Variants in PHKA1 observed in about 807,000 individuals in gnomAD.
PHKA1 encodes phosphorylase kinase regulatory subunit alpha 1.
PHKA1 carries 60 observed loss-of-function variants against 110.2 expected under a neutral mutation model. That is an observed-to-expected ratio of 0.54 (90% CI 0.44 to 0.68). The LOEUF (loss-of-function observed/expected upper bound fraction) is 0.68, where lower values mean the gene tolerates loss of function less well. Ranked by LOEUF, PHKA1 falls within the 30% of genes least tolerant of loss-of-function variation. The pLI, the probability that PHKA1 is intolerant of heterozygous loss-of-function variation, is 0.00. For missense variants in PHKA1, 801 were observed against 942.5 expected, an observed-to-expected ratio of 0.85 and a Z score of 1.97; for synonymous variants, 316 against 333.6, an observed-to-expected ratio of 0.95 and a Z score of 0.58.
chrX:72,674,198 G>T (rs1395891468), intron 6 of PHKA1, among the ~76,000 whole-genome samples: 11 of 110,742 alleles, frequency 9.9e-5, no homozygotes, highest in African/African-American at 3.6e-4. Flanking sequence ...TCTTAAGCCA[G>T]TCTATCATTG....
intron 4 of PHKA1, among the ~76,000 whole-genome samples, chrX:72,689,955 T>G (rs1443577853): frequency 8.9e-6 from 1 of 112,147 alleles, no homozygotes; most frequent in Non-Finnish European, 1.9e-5. Context: ...TATATTTCTT[T>G]CAAAATTAAT....
At chrX:72,666,771 CT>C (rs2053620232) in intron 7 of PHKA1, among the ~76,000 whole-genome samples, 2 of 111,982 alleles carry the variant, frequency 1.8e-5, no homozygotes, top group South Asian at 7.4e-4. Flanking sequence ...TTCTGACCCA[CT>C]TTTTTCCTCT....
intron 29 of PHKA1, among the ~76,000 whole-genome samples, chrX:72,590,029 C>T (rs1357442138): frequency 9.0e-6 from 1 of 111,395 alleles, no homozygotes; most frequent in Non-Finnish European, 1.9e-5. Context: ...AATGCCATCC[C>T]CATCAAGCTA....
chrX:72,668,017 T>C (rs2053635223), intron 6 of PHKA1, among the ~76,000 whole-genome samples: 2 of 111,896 alleles, frequency 1.8e-5, no homozygotes, highest in Admixed American at 9.5e-5. Flanking sequence ...ATTAATAATA[T>C]AGTGTAAGTA....
chrX:72,688,118 C>T (rs1367756862), intron 4 of PHKA1, among the ~76,000 whole-genome samples: 2 of 111,299 alleles, frequency 1.8e-5, no homozygotes, highest in Non-Finnish European at 3.8e-5. Flanking sequence ...TGAGCCACTG[C>T]GCCTGGCCAC....
At chrX:72,590,435 T>A (rs1236502948) in intron 29 of PHKA1, among the ~76,000 whole-genome samples, 3 of 112,190 alleles carry the variant, frequency 2.7e-5, no homozygotes, top group East Asian at 5.6e-4. Context: ...CAAGATGGAT[T>A]AAAGACTTAA....
intron 6 of PHKA1, among the ~76,000 whole-genome samples, chrX:72,675,022 A>G (rs1339824983): frequency 5.3e-5 from 5 of 94,361 alleles, no homozygotes; most frequent in Non-Finnish European, 1.1e-4. Flanking sequence ...TGTCTCTACT[A>G]AAAAAAAAAA....
chrX:72,629,637 A>C (rs1208564670), intron 16 of PHKA1, among the ~76,000 whole-genome samples: 1 of 111,940 alleles, frequency 8.9e-6, no homozygotes, highest in African/African-American at 3.2e-5. Context: ...ATTTAAAGTA[A>C]TTATTGATAT....
intron 21 of PHKA1, among the ~76,000 whole-genome samples, chrX:72,615,668 A>G (rs1288089806): frequency 1.9e-5 from 2 of 105,212 alleles, no homozygotes; most frequent in African/African-American, 7.0e-5. Context: ...AGCCATAAAG[A>G]CAGATAGTAA....
At chrX:72,676,903 G>GT (rs2053785730) in intron 5 of PHKA1, among the ~76,000 whole-genome samples, 1 of 112,642 alleles carries the variant, frequency 8.9e-6, no homozygotes, top group Middle Eastern at 4.2e-3. Context: ...TAACCACAGT[G>GT]TAATAGTTAA....
In PHKA1 at chrX:72,596,942, G is replaced by A. The variant is rs140966651; in HGVS notation, c.3073-3668C>T. Among the ~76,000 whole-genome samples, 458 of 112,284 alleles carry A rather than the reference G, an allele frequency of 4.1e-3. 3 individuals are homozygous for A. The highest frequency in any genetic ancestry group is 6.5e-3 in the Non-Finnish European group (345 of 53,266). On this transcript the variant is annotated intron_variant, in intron 28 of 31. Transcript: ENST00000373542. ...ATAGATCGATGGAATAGAACAGGGA[G>A]TTCAAAAATAAACCATTATATTTTG... is the stretch of plus-strand genomic sequence containing the variant.
At position 72,603,344 on chromosome X, in the gene PHKA1, A is replaced by G. The variant is rs5912109; in HGVS notation, c.2816-124T>C. ...CACTTGATTGGAAGAACAGAATTAC[A>G]AAATAAATTGATAGCACCCTACTGC... is the stretch of plus-strand genomic sequence containing the variant. On this transcript the variant is annotated intron_variant, in intron 25 of 31. Coordinates refer to ENST00000373542, the MANE Select transcript of PHKA1 (RefSeq NM_002637.4). 0.098 allele frequency: 48,368 copies of G among 495,061 alleles called. 2,100 individuals carry two copies. The highest frequency in any genetic ancestry group is 0.12 in the Non-Finnish European group (34,760 of 279,095). 40.8% of individuals were successfully genotyped at this position (495,061 alleles called of 1,213,427 possible).
At chrX:72,678,358 C>G (rs1043434958) in intron 5 of PHKA1, among the ~76,000 whole-genome samples, 3 of 111,956 alleles carry the variant, frequency 2.7e-5, no homozygotes, top group African/African-American at 9.8e-5. Context: ...ACATCTGTAT[C>G]TCTGTATCTA....
At chrX:72,611,614 TCTGGCAAAACAAATACTG>T (rs782632524) in intron 21 of PHKA1, among the ~76,000 whole-genome samples, 57 of 111,169 alleles carry the variant, frequency 5.1e-4, no homozygotes, top group African/African-American at 1.4e-3. Context: ...CAAAAGAAAA[TCTGGCAAAACAAATACTG>T]CTGGCAAAAC....
At chrX:72,693,102 T>C (rs1417264883) in intron 4 of PHKA1, among the ~76,000 whole-genome samples, 1 of 111,627 alleles carries the variant, frequency 9.0e-6, no homozygotes, top group Non-Finnish European at 1.9e-5. Flanking sequence ...TATTGCTTAA[T>C]TTCCATATAT....
intron 29 of PHKA1, among the ~76,000 whole-genome samples, chrX:72,590,404 C>T (rs2052502283): frequency 8.9e-6 from 1 of 111,999 alleles, no homozygotes; most frequent in Non-Finnish European, 1.9e-5. Flanking sequence ...CCCTTCTTTA[C>T]ACCTCATACA....
intron 1 of PHKA1, 101 bp downstream of exon 1, chrX:72,713,692 ACACACACACC>A: frequency 1.7e-6 from 1 of 599,898 alleles, no homozygotes; most frequent in Non-Finnish European, 2.8e-6. Context: ...ACACACACAC[ACACACACACC>A]CACACACGCA....
intron 25 of PHKA1, among the ~76,000 whole-genome samples, chrX:72,603,601 C>T (rs781811508): frequency 2.7e-5 from 3 of 111,496 alleles, no homozygotes; most frequent in Non-Finnish European, 3.8e-5. Context: ...TAAAACTTCT[C>T]AGCCTGGAAA....
At chrX:72,681,596 G>A (rs1163232854) in intron 5 of PHKA1, among the ~76,000 whole-genome samples, 1 of 79,693 alleles carries the variant, frequency 1.3e-5, no homozygotes, top group African/African-American at 4.7e-5. Flanking sequence ...GGTGAGGGGC[G>A]CCTCTGCCCG....
Sources: allele counts gnomAD v4.1 joint callset (sites outside exome capture counted in the v4.1 genomes callset), GRCh38; gene constraint gnomAD v4.1.1; transcripts MANE v1.5; gene names NCBI Gene and HGNC (gene_info 2026-07-23, HGNC 2026-07-21).